GALNT15: variants seen among roughly 807,000 people sequenced by gnomAD.
GALNT15 encodes the protein polypeptide N-acetylgalactosaminyltransferase 15.
GALNT15 carries 67 observed loss-of-function variants against 66.8 expected under a neutral mutation model. The observed-to-expected ratio is 1.00, with a 90% CI of 0.82 to 1.23. The LOEUF is 1.23. Ranked by LOEUF, GALNT15 falls within the 50% of genes most tolerant of loss-of-function variation. The probability of loss-of-function intolerance (pLI) is 0.00; values close to 1 mark genes in which losing one functional copy is unlikely to be tolerated. For missense variants in GALNT15, 827 were observed against 804.3 expected (o/e 1.03, Z -0.34); for synonymous variants, 313 against 311.5 (o/e 1.00, Z -0.05).
downstream of GALNT15, among the ~76,000 whole-genome samples, chr3:16,230,670 C>A (rs959651199): frequency 6.6e-6 from 1 of 152,106 alleles, no homozygotes; most frequent in Non-Finnish European, 1.5e-5. This position sits in a 1 kb window ranked among gnomAD's most constrained non-coding sequence, Gnocchi z 4.5. Context: ...GGCTGCCTTG[C>A]TGGGCACAAC....
rs896231184 is a variant in GALNT15, at chr3:16,184,807, AC to A, written c.539+9118del. 1.3e-5 allele frequency among the ~76,000 whole-genome samples: 2 copies of A among 152,144 alleles called. No homozygotes were observed. The highest frequency in any genetic ancestry group is 4.8e-5 in the African/African-American group (2 of 41,426). On this transcript the variant is annotated intron_variant, in intron 1 of 9. Coordinates refer to ENST00000339732, the MANE Select transcript of GALNT15 (RefSeq NM_054110.5). This position sits in a 1 kb window ranked among gnomAD's most constrained non-coding sequence, Gnocchi z 5.0. ...GGCAGCTGGAGCTCAGCCCTTGGAG[AC>A]AGTGTAGAACATGCATGCATCTCAG...
rs960259718 is a variant in GALNT15 at position 16,227,214 on chromosome 3, A to G, written c.1774-140A>G. On this transcript the variant is annotated intron_variant, in intron 9 of 9. Coordinates refer to ENST00000339732, the MANE Select transcript of GALNT15 (RefSeq NM_054110.5). The surrounding 1 kb of genome is among the most constrained non-coding windows in gnomAD (Gnocchi z 4.5). ...ACCTAATTTATATTTTATGTTGATC[A>G]AAATACCACAATTCCTTTCCAGGCC... 1.8e-5 allele frequency: 16 copies of G among 907,736 alleles called. No individual in the cohort carries two copies. The highest frequency in any genetic ancestry group is 1.9e-5 in the Non-Finnish European group (12 of 618,548). The allele number at this position is 907,736 out of a possible 1,614,324, so 56.2% of individuals were successfully genotyped here. A position where few individuals can be genotyped will look rare whatever the true frequency, so the allele number is the denominator to read the frequency against.
At chr3:16,179,141 G>A (rs180964002) in intron 1 of GALNT15, among the ~76,000 whole-genome samples, 15 of 152,288 alleles carry the variant, frequency 9.8e-5, no homozygotes, top group Middle Eastern at 6.8e-3. Flanking sequence ...TGAAAAGAGA[G>A]GCAAAATTAC....
rs1254008600 is a variant in GALNT15, at chr3:16,225,737, G to GATTTGTGGT, written c.1774-1615_1774-1607dup. Among the ~76,000 whole-genome samples, 8 of 151,378 alleles carry GATTTGTGGT rather than the reference G, an allele frequency of 5.3e-5. No homozygotes were observed. Among genetic ancestry groups the GATTTGTGGT allele is most frequent in the Non-Finnish European group, 1.5e-5 (1 of 67,898 alleles). On this transcript the variant is annotated intron_variant, in intron 9 of 9. Transcript: ENST00000339732. This position sits in a 1 kb window ranked among gnomAD's most constrained non-coding sequence, Gnocchi z 4.4. ...AAGAAAAAGAAAAAAAGAAGAAAAA[G>GATTTGTGGT]ATTTGTGGTACAACATGGATGTACC...
At position 16,227,915 on chromosome 3, in the gene GALNT15, A is replaced by C. The variant is rs1170301294; in HGVS notation, c.*415A>C. 5 of 1,005,128 alleles carry C rather than the reference A, an allele frequency of 5.0e-6. No homozygotes were observed. The African/African-American group carries it at 8.7e-5, about 18-fold the overall frequency. 62.3% of individuals were successfully genotyped at this position (1,005,128 alleles called of 1,614,324 possible). On this transcript the variant is annotated 3_prime_UTR_variant, in exon 10 of 10. Transcript: ENST00000339732. This position sits in a 1 kb window ranked among gnomAD's most constrained non-coding sequence, Gnocchi z 4.5. ...ACTTGGATTGTCTGTTTGGCCAACC[A>C]TGAAAATTAAAGAGTGAAGCAGATG...
rs1188611082 is a variant in GALNT15, at chr3:16,197,927, C to T, written c.706+2001C>T. Among the ~76,000 whole-genome samples, 15 of 144,478 alleles carry T rather than the reference C, an allele frequency of 1.0e-4. 3 individuals are homozygous for T. Among genetic ancestry groups the T allele is most frequent in the Non-Finnish European group, 2.2e-4 (14 of 64,802 alleles). The allele number at this position is 144,478 out of a possible 152,430, so 94.8% of individuals were successfully genotyped here. A position where few individuals can be genotyped will look rare whatever the true frequency, so the allele number is the denominator to read the frequency against. On this transcript the variant is annotated intron_variant, in intron 2 of 9. Coordinates refer to ENST00000339732, the MANE Select transcript of GALNT15 (RefSeq NM_054110.5). ...TCTGGAAGTTCTTCCTTATCTATTC[C>T]GAAGCTCTCTTGCTAGAAGTCTGTC...
chr3:16,192,121 G>A (rs2063585379), intron 1 of GALNT15, among the ~76,000 whole-genome samples: 1 of 152,144 alleles, frequency 6.6e-6, no homozygotes, highest in South Asian at 2.1e-4. Flanking sequence ...GCAACGGAGT[G>A]AACATTCAAA....
At position 16,200,315 on chromosome 3, in the gene GALNT15, T is replaced by C. The variant is rs1238574413; in HGVS notation, c.707-304T>C. Among the ~76,000 whole-genome samples the C allele has an allele frequency of 6.6e-6, 1 of 152,120 alleles. No homozygotes were observed. The highest frequency in any genetic ancestry group is 1.9e-4 in the East Asian group (1 of 5,184). ...TGGGTGGGGACAAAGAGCCAAACCATATCAGACACCAACAGTATCTGCTAC... is the reference window on the plus strand; with the variant it reads ...TGGGTGGGGACAAAGAGCCAAACCACATCAGACACCAACAGTATCTGCTAC... On this transcript the variant is annotated intron_variant, in intron 2 of 9. Transcript: ENST00000339732. The surrounding 1 kb of genome is among the most constrained non-coding windows in gnomAD (Gnocchi z 4.4).
At position 16,175,089 on chromosome 3, in the gene GALNT15, G is replaced by T; in HGVS notation, c.-63G>T. ...CCCAGGTTCTGCTGCAAGCTTGAAG[G>T]AGCCTGGAGCGGGAGAAAGCTAACT... is the stretch of plus-strand genomic sequence containing the variant. On this transcript the variant is annotated 5_prime_UTR_variant, in exon 1 of 10. Transcript: ENST00000339732. This position sits in a 1 kb window ranked among gnomAD's most constrained non-coding sequence, Gnocchi z 5.6. 2 of 1,501,524 alleles carry T rather than the reference G, an allele frequency of 1.3e-6. No homozygotes were observed. The highest frequency in any genetic ancestry group is 1.8e-6 in the Non-Finnish European group (2 of 1,102,648). 93.0% of individuals were successfully genotyped at this position (1,501,524 alleles called of 1,614,324 possible).
the GALNT15 span, among the ~76,000 whole-genome samples, chr3:16,239,449 G>T: frequency 6.6e-6 from 1 of 152,100 alleles, no homozygotes; most frequent in Non-Finnish European, 1.5e-5. This position sits in a 1 kb window ranked among gnomAD's most constrained non-coding sequence, Gnocchi z 5.2. Context: ...CTGAGACAGA[G>T]ACCTATAAAA....
In GALNT15 at chr3:16,219,651, G is replaced by A; in HGVS notation, c.1524+117G>A. On this transcript the variant is annotated intron_variant, in intron 7 of 9. Coordinates refer to ENST00000339732, the MANE Select transcript of GALNT15 (RefSeq NM_054110.5). This position sits in a 1 kb window ranked among gnomAD's most constrained non-coding sequence, Gnocchi z 4.3. ...ATTCACGGTTTAGCAGGGCCTCAGA[G>A]GCCTTGGGTCCATCCCGTGCCTCCA... The A allele has an allele frequency of 1.4e-6, 2 of 1,409,010 alleles. No individual in the cohort carries two copies. The highest frequency in any genetic ancestry group is 1.4e-5 in the African/African-American group (1 of 70,306). The allele number at this position is 1,409,010 out of a possible 1,614,324, so 87.3% of individuals were successfully genotyped here.
intron 1 of GALNT15, among the ~76,000 whole-genome samples, chr3:16,192,527 G>A (rs1378893655): frequency 6.6e-6 from 1 of 152,088 alleles, no homozygotes; most frequent in Non-Finnish European, 1.5e-5. Flanking sequence ...ACAGCCACCA[G>A]TCCCTGTCTA....
chr3:16,177,898 T>C (rs1050925786), intron 1 of GALNT15, among the ~76,000 whole-genome samples: 1 of 152,196 alleles, frequency 6.6e-6, no homozygotes, highest in African/African-American at 2.4e-5. Context: ...CATGGATATG[T>C]TGTATGTGGC....
At chr3:16,212,814 A>G in intron 6 of GALNT15, 51 bp downstream of exon 6, 2 of 1,526,086 alleles carry the variant, frequency 1.3e-6, no homozygotes, top group Non-Finnish European at 1.8e-6. Context: ...GGCCACTAGC[A>G]GGAGGTGGGC....
chr3:16,233,543 A>G (rs6808269), downstream of GALNT15, among the ~76,000 whole-genome samples: 936 of 151,422 alleles, frequency 6.2e-3, 15 homozygotes, highest in African/African-American at 0.021. Flanking sequence ...TGTTCTTGCT[A>G]TTTGTCTGTG....
chr3:16,201,294 G>C (rs1447075493), intron 3 of GALNT15, among the ~76,000 whole-genome samples: 1 of 152,070 alleles, frequency 6.6e-6, no homozygotes, highest in African/African-American at 2.4e-5. Flanking sequence ...CCATTCTCCT[G>C]CTTCAGCCTC....
At chr3:16,205,595 A>G (rs868133780) in intron 3 of GALNT15, among the ~76,000 whole-genome samples, 5 of 152,366 alleles carry the variant, frequency 3.3e-5, no homozygotes, top group African/African-American at 9.6e-5. Context: ...AGCTCCTTCC[A>G]AGTCAAACGA....
At position 16,215,654 on chromosome 3, in the gene GALNT15, G is replaced by A. The variant is rs565380868; in HGVS notation, c.1392+2891G>A. On this transcript the variant is annotated intron_variant, in intron 6 of 9. Coordinates refer to ENST00000339732, the MANE Select transcript of GALNT15 (RefSeq NM_054110.5). ...CGGCTGGGCACAGTGGCTCATGCCT[G>A]TAATCCCAGCACTTTGGGAGGCCGA... Among the ~76,000 whole-genome samples, 7 of 152,252 alleles carry A rather than the reference G, an allele frequency of 4.6e-5. No homozygotes were observed. The East Asian group carries it at 7.7e-4, about 17-fold the overall frequency.
Position 16,224,666 on chromosome 3 carries a change from C to T in GALNT15, c.1773+1908C>T, listed in dbSNP as rs1296049680. The stretch of plus-strand genomic sequence containing the variant: ...TTTTTTTTTTTTAAAGAGGGAGTTT[C>T]GCTCTTGTTGCCCAGGCTAGAGTTC... On this transcript the variant is annotated intron_variant, in intron 9 of 9. Transcript: ENST00000339732. The surrounding 1 kb of genome is among the most constrained non-coding windows in gnomAD (Gnocchi z 5.2). Among the ~76,000 whole-genome samples, 10 of 139,098 alleles carry T rather than the reference C, an allele frequency of 7.2e-5. No individual in the cohort carries two copies. The highest frequency in any genetic ancestry group is 2.3e-4 in the South Asian group (1 of 4,432). The allele number at this position is 139,098 out of a possible 152,430, so 91.3% of individuals were successfully genotyped here.
Sources: allele counts gnomAD v4.1 joint callset (sites outside exome capture counted in the v4.1 genomes callset), GRCh38; gene constraint gnomAD v4.1.1; non-coding constraint Gnocchi (gnomAD v3.1); transcripts MANE v1.5; gene names NCBI Gene and HGNC (gene_info 2026-07-23, HGNC 2026-07-21).